Variants in NRXN1 observed in about 807,000 individuals in gnomAD.
NRXN1 encodes the protein neurexin 1.
NRXN1 carries 39 observed loss-of-function variants against 150.9 expected under a neutral mutation model. That is an observed-to-expected ratio of 0.26 (90% CI 0.20 to 0.34). NRXN1 has a LOEUF of 0.34. NRXN1 is among the 10% of genes least tolerant of loss of function. The pLI is 1.00. For missense variants in NRXN1, 1,815 were observed against 1,949.9 expected (o/e 0.93, Z 1.30); for synonymous variants, 924 against 757.0 (o/e 1.22, Z -3.62).
intron 5 of NRXN1, among the ~76,000 whole-genome samples, chr2:50,762,854 T>G (rs1016627004): frequency 2.0e-5 from 3 of 151,946 alleles, no homozygotes; most frequent in African/African-American, 7.2e-5. Flanking sequence ...TGGATATATA[T>G]CCTTTCCTAG....
At chr2:50,492,393 C>A (rs552514997) in intron 15 of NRXN1, among the ~76,000 whole-genome samples, 4 of 152,112 alleles carry the variant, frequency 2.6e-5, no homozygotes, top group Non-Finnish European at 5.9e-5. Flanking sequence ...AGAGAAAGAT[C>A]ATTAGATTCC....
At chr2:50,012,877 A>AT (rs1263328074) in intron 21 of NRXN1, among the ~76,000 whole-genome samples, 5 of 152,098 alleles carry the variant, frequency 3.3e-5, no homozygotes, top group African/African-American at 1.2e-4. Flanking sequence ...AATGGAATGG[A>AT]TTGCACTCCT....
At chr2:50,612,080 C>G (rs1678247260) in intron 8 of NRXN1, among the ~76,000 whole-genome samples, 1 of 152,138 alleles carries the variant, frequency 6.6e-6, no homozygotes, top group African/African-American at 2.4e-5. Context: ...GGGAGCAACA[C>G]AGAGTGGCAG....
At chr2:50,095,792 AT>A (rs1700137255) in intron 18 of NRXN1, among the ~76,000 whole-genome samples, 2 of 148,400 alleles carry the variant, frequency 1.3e-5, no homozygotes, top group Admixed American at 6.8e-5. Flanking sequence ...TTATATATAT[AT>A]TTTTTTATTA....
intron 17 of NRXN1, among the ~76,000 whole-genome samples, chr2:50,352,035 G>A (rs2078447778): frequency 6.6e-6 from 1 of 152,072 alleles, no homozygotes; most frequent in Non-Finnish European, 1.5e-5. Flanking sequence ...TTCACACTCA[G>A]TTGCCGCCAA....
intron 6 of NRXN1, among the ~76,000 whole-genome samples, chr2:50,622,777 T>C (rs1471736653): frequency 3.3e-5 from 5 of 152,138 alleles, no homozygotes; most frequent in Non-Finnish European, 7.4e-5. Flanking sequence ...AAAATAAAAG[T>C]ATCTTCAAAA....
intron 19 of NRXN1, among the ~76,000 whole-genome samples, chr2:50,062,684 C>T (rs1050841183): frequency 6.6e-6 from 1 of 152,034 alleles, no homozygotes; most frequent in Admixed American, 6.6e-5. Flanking sequence ...AAGATAAATA[C>T]AATTTTAATC....
chr2:50,839,953 G>C (rs1012023635), intron 5 of NRXN1, among the ~76,000 whole-genome samples: 5 of 152,108 alleles, frequency 3.3e-5, no homozygotes, highest in African/African-American at 7.2e-5. Context: ...AAATATTAAA[G>C]AATGTTTCAG....
intron 5 of NRXN1, among the ~76,000 whole-genome samples, chr2:50,898,887 T>C (rs1186256252): frequency 2.0e-5 from 3 of 151,782 alleles, no homozygotes; most frequent in African/African-American, 7.3e-5. Context: ...TAAGAAGTCA[T>C]ACTAGATTTT....
chr2:50,792,321 T>G (rs151001205), intron 5 of NRXN1, among the ~76,000 whole-genome samples: 1 of 152,256 alleles, frequency 6.6e-6, no homozygotes, highest in East Asian at 1.9e-4. Context: ...TTTATTTGTC[T>G]ATTTTCTCTA....
At chr2:50,337,511 A>G (rs2077273902) in intron 17 of NRXN1, among the ~76,000 whole-genome samples, 1 of 152,196 alleles carries the variant, frequency 6.6e-6, no homozygotes, top group African/African-American at 2.4e-5. Context: ...ATGGGAGAGT[A>G]AAGTACCTAT....
chr2:50,988,901 G>C (rs1236935504), intron 2 of NRXN1, among the ~76,000 whole-genome samples: 1 of 151,928 alleles, frequency 6.6e-6, no homozygotes, highest in Non-Finnish European at 1.5e-5. Context: ...GGGAGATCAA[G>C]TGAGATCACG....
At chr2:50,218,752 T>A (rs1414675867) in intron 18 of NRXN1, among the ~76,000 whole-genome samples, 2 of 151,942 alleles carry the variant, frequency 1.3e-5, no homozygotes, top group Non-Finnish European at 2.9e-5. Context: ...CTAAGGGAAA[T>A]AACTGCCTTT....
chr2:50,744,379 A>G (rs1449649554), intron 5 of NRXN1, among the ~76,000 whole-genome samples: 1 of 152,136 alleles, frequency 6.6e-6, no homozygotes. Context: ...TACTTGGTCA[A>G]TATATGTAAG....
At chr2:50,745,687 C>T (rs1029975027) in intron 5 of NRXN1, among the ~76,000 whole-genome samples, 2 of 152,094 alleles carry the variant, frequency 1.3e-5, no homozygotes, top group South Asian at 4.1e-4. Context: ...GAAGGGGAAG[C>T]AAACATGTCC....
At chr2:50,527,739 T>C (rs114145568) in intron 12 of NRXN1, among the ~76,000 whole-genome samples, 1,635 of 152,046 alleles carry the variant, frequency 0.011, 32 homozygotes, top group African/African-American at 0.036. Flanking sequence ...CTGTGGGGAG[T>C]AGACTCCATC....
At chr2:50,364,152 A>G (rs181002681) in intron 17 of NRXN1, among the ~76,000 whole-genome samples, 93 of 152,272 alleles carry the variant, frequency 6.1e-4, no homozygotes, top group Admixed American at 1.4e-3. Context: ...TGACAGGTTG[A>G]TGGGTGCAGC....
At chr2:50,142,026 C>G (rs572357115) in intron 18 of NRXN1, among the ~76,000 whole-genome samples, 2 of 151,970 alleles carry the variant, frequency 1.3e-5, no homozygotes, top group African/African-American at 4.8e-5. Context: ...CAGTAATATT[C>G]ACAATAGCAA....
chr2:50,202,326 GA>G (rs1305605344), intron 18 of NRXN1, among the ~76,000 whole-genome samples: 4 of 152,128 alleles, frequency 2.6e-5, no homozygotes. Context: ...CTAACACGGT[GA>G]AACCCCGTCT....
Sources: allele counts gnomAD v4.1 joint callset (sites outside exome capture counted in the v4.1 genomes callset), GRCh38; gene constraint gnomAD v4.1.1; transcripts MANE v1.5; gene names NCBI Gene and HGNC (gene_info 2026-07-23, HGNC 2026-07-21).